Variants in ZBTB32 observed in about 807,000 individuals in gnomAD.
ZBTB32 encodes zinc finger and BTB domain containing 32, also known as zinc finger and BTB domain-containing protein 32.
A neutral mutation model predicts 45.3 loss-of-function variants in ZBTB32; 28 were observed. The observed-to-expected ratio is 0.62, with a 90% CI of 0.46 to 0.85. The LOEUF (loss-of-function observed/expected upper bound fraction) is 0.85, where lower values mean the gene tolerates loss of function less well. Among genes scored for constraint, ZBTB32 ranks in the 40% least tolerant of loss-of-function variants. The pLI is 0.00. For missense variants in ZBTB32, 587 were observed against 624.4 expected (o/e 0.94, Z 0.64); for synonymous variants, 283 against 255.7 (o/e 1.11, Z -1.02).
intron 1 of ZBTB32, among the ~76,000 whole-genome samples, chr19:35,709,243 G>A (rs1023549638): frequency 1.3e-5 from 2 of 152,170 alleles, no homozygotes; most frequent in African/African-American, 4.8e-5. Context: ...GAAGAGTGGC[G>A]AGTTCACAGA....
At chr19:35,713,895 C>A (rs1255623458) in intron 2 of ZBTB32, among the ~76,000 whole-genome samples, 4 of 152,252 alleles carry the variant, frequency 2.6e-5, no homozygotes, top group Non-Finnish European at 5.9e-5. Context: ...GGTCAGGAGC[C>A]TCCTCTCCTG....
chr19:35,712,739 T>C (rs1968736070), intron 1 of ZBTB32, among the ~76,000 whole-genome samples, 178 bp from the exon 2 acceptor site: 1 of 152,094 alleles, frequency 6.6e-6, no homozygotes, highest in Non-Finnish European at 1.5e-5. Context: ...CTTCCTGGGG[T>C]TGCCCCTTTC....
Position 35,716,175 on chromosome 19 carries a change from G to C in ZBTB32, c.1067G>C (p.Cys356Ser). 1 of 1,613,748 alleles carries C rather than the reference G, an allele frequency of 6.2e-7. No individual in the cohort carries two copies. The highest frequency in any genetic ancestry group is 8.5e-7 in the Non-Finnish European group (1 of 1,179,928). Residue 356 changes from cysteine to serine, a missense_variant, in exon 6 of 7, where the codon TGC becomes TCC. Physicochemically the swap from Cys to Ser is moderately radical, Grantham distance 112. Transcript: ENST00000392197. Reference protein sequence around the residue: ...TCAGHEDKAGCPPRPHPPPAP... With the variant: ...TCAGHEDKAGSPPRPHPPPAP... The stretch of plus-strand genomic sequence containing the variant: ...GCGGGTCATGAGGACAAGGCAGGCT[G>C]CCCACCTCGCCCGCACCCTCCCCCG...
In ZBTB32 at chr19:35,716,159, GAGGACAAGGC is replaced by G; in HGVS notation, c.1055_1064del (p.Asp352AlafsTer62). 6.2e-7 allele frequency: 1 copy of G among 1,613,890 alleles called. No individual in the cohort carries two copies. The highest frequency in any genetic ancestry group is 8.5e-7 in the Non-Finnish European group (1 of 1,179,958). Reference sequence around the variant, plus strand: ...CGCACTTGCAACCTGTGCGGGTCATGAGGACAAGGCAGGCTGCCCACCTCGCCCGCACCCT... The same window carrying G: ...CGCACTTGCAACCTGTGCGGGTCATGAGGCTGCCCACCTCGCCCGCACCCT... On this transcript the variant is annotated frameshift_variant, in exon 6 of 7. Transcript: ENST00000392197. LOFTEE classifies it high-confidence loss of function.
chr19:35,711,981 C>T (rs1368666666), intron 1 of ZBTB32, among the ~76,000 whole-genome samples: 6 of 138,758 alleles, frequency 4.3e-5, no homozygotes, highest in African/African-American at 1.7e-4. Context: ...GCTGAGATTG[C>T]GCCACTGCAC....
chr19:35,711,362 G>A (rs1389052131), intron 1 of ZBTB32, among the ~76,000 whole-genome samples: 6 of 152,198 alleles, frequency 3.9e-5, no homozygotes, highest in Non-Finnish European at 7.3e-5. Flanking sequence ...ATATCAGAGG[G>A]ACTGATGCTT....
rs972222825 is a variant in ZBTB32 at position 35,714,539 on chromosome 19, G to C, written c.-88G>C. The C allele has an allele frequency of 7.3e-7, 1 of 1,362,796 alleles. No individual in the cohort carries two copies. The allele number at this position is 1,362,796 out of a possible 1,614,324, so 84.4% of individuals were successfully genotyped here. ...CATCCACAGGCTTGAAATGAGATGAGATGTTCCTCCCTCCCCTTTCAACCA... is the reference window on the plus strand; with the variant it reads ...CATCCACAGGCTTGAAATGAGATGACATGTTCCTCCCTCCCCTTTCAACCA... On this transcript the variant is annotated 5_prime_UTR_variant, in exon 3 of 7. Transcript: ENST00000392197.
Position 35,714,710 on chromosome 19 carries a change from C to T in ZBTB32, c.84C>T (p.Leu28=), listed in dbSNP as rs775401448. The T allele has an allele frequency of 4.7e-5, 76 of 1,613,564 alleles. No individual in the cohort carries two copies. The highest frequency in any genetic ancestry group is 6.3e-5 in the Non-Finnish European group (74 of 1,179,852). The change falls in exon 3 of 7, where the codon CTC becomes CTT. Residue 28 remains leucine, a synonymous_variant. Transcript: ENST00000392197. ...TAGCAGCCAGGCTCCGGCCAGCACTCTGTGATACTCTGATCACCGTAGGGA... is the reference window on the plus strand; with the variant it reads ...TAGCAGCCAGGCTCCGGCCAGCACTTTGTGATACTCTGATCACCGTAGGGA... The part of the protein sequence containing the change: ...VQLAARLRPA[L]CDTLITVGSQ...
intron 1 of ZBTB32, among the ~76,000 whole-genome samples, chr19:35,708,822 C>CTTTTTTCT (rs1555725130): frequency 9.8e-5 from 14 of 142,166 alleles, no homozygotes; most frequent in Non-Finnish European, 2.2e-4. Context: ...TTTCTTTTTT[C>CTTTTTTCT]TTTTTTTTTT....
At chr19:35,705,534 G>A (rs955597906) in intron 1 of ZBTB32, among the ~76,000 whole-genome samples, 4 of 152,168 alleles carry the variant, frequency 2.6e-5, no homozygotes, top group African/African-American at 9.7e-5. Context: ...ATCCTCTGGA[G>A]ATTCTAGGGA....
chr19:35,705,297 G>T (rs553672142), intron 1 of ZBTB32, among the ~76,000 whole-genome samples: 20 of 151,192 alleles, frequency 1.3e-4, no homozygotes, highest in African/African-American at 3.7e-4. Flanking sequence ...CAGCCTGGGC[G>T]ACAGAATGAG....
At position 35,716,647 on chromosome 19, in the gene ZBTB32, C is replaced by T; in HGVS notation, c.1359C>T (p.Ser453=). The T allele has an allele frequency of 2.5e-6, 4 of 1,613,868 alleles. No homozygotes were observed. Among genetic ancestry groups the T allele is most frequent in the Non-Finnish European group, 3.4e-6 (4 of 1,179,964 alleles). The part of the protein sequence containing the change: ...MQAHMRGHSP[S]QLPPGWTIRS... ...CGCACATGCGCGGTCACTCGCCCAG[C>T]CAACTCCCGCCCGGATGGACCATCC... Residue 453 remains serine, a synonymous_variant, in exon 7 of 7, where the codon AGC becomes AGT. Transcript: ENST00000392197.
Position 35,715,811 on chromosome 19 carries a change from C to T in ZBTB32, c.936C>T (p.Ala312=), listed in dbSNP as rs1968860700. Reference sequence around the variant, plus strand: ...GGCTCTGGAGCCAGAACCAGTTGGCCTCCTCCAGCCCTACCCCAGGTAAGC... The same window carrying T: ...GGCTCTGGAGCCAGAACCAGTTGGCTTCCTCCAGCCCTACCCCAGGTAAGC... ...PKGLWSQNQL[A]SSSPTPGSLP... is the part of the protein sequence containing the mutation. The change falls in exon 4 of 7, where the codon GCC becomes GCT. Residue 312 remains alanine (A), a synonymous_variant. Coordinates refer to ENST00000392197, the MANE Select transcript of ZBTB32 (RefSeq NM_014383.3). 1 of 1,613,882 alleles carries T rather than the reference C, an allele frequency of 6.2e-7. No individual in the cohort carries two copies. The highest frequency in any genetic ancestry group is 2.2e-5 in the East Asian group (1 of 44,884).
intron 6 of ZBTB32, 48 bp downstream of exon 6, chr19:35,716,345 C>T: frequency 6.2e-7 from 1 of 1,608,432 alleles, no homozygotes; most frequent in Non-Finnish European, 8.5e-7. Context: ...TTCCCAACTC[C>T]GCTCCTGAGT....
chr19:35,710,412 C>T (rs527945094), intron 1 of ZBTB32, among the ~76,000 whole-genome samples: 3 of 151,870 alleles, frequency 2.0e-5, no homozygotes, highest in African/African-American at 4.8e-5. Flanking sequence ...TGATTCCTAC[C>T]GAGTCAGCCC....
chr19:35,715,882 C>A (rs767687391), intron 4 of ZBTB32, 52 bp downstream of exon 4: 71 of 1,609,578 alleles, frequency 4.4e-5, no homozygotes, highest in Non-Finnish European at 5.7e-5. Flanking sequence ...CTTCTCTGGG[C>A]TGGGGCTCGA....
intron 1 of ZBTB32, among the ~76,000 whole-genome samples, chr19:35,706,891 G>A (rs975033767): frequency 1.1e-4 from 17 of 152,178 alleles, no homozygotes; most frequent in African/African-American, 4.1e-4. Flanking sequence ...CCAGGGGTGA[G>A]GGTGCAAGGA....
intron 1 of ZBTB32, among the ~76,000 whole-genome samples, chr19:35,710,119 G>A (rs552774137): frequency 4.0e-5 from 6 of 151,570 alleles, no homozygotes; most frequent in African/African-American, 1.5e-4. Context: ...GCTGAGGCAG[G>A]AGAATTGCTT....
intron 1 of ZBTB32, among the ~76,000 whole-genome samples, chr19:35,705,290 C>T (rs539829541): frequency 1.3e-5 from 2 of 152,094 alleles, no homozygotes; most frequent in African/African-American, 4.8e-5. Context: ...TGCACTCCAG[C>T]CTGGGCGACA....
Sources: gnomAD v4.1 joint callset for allele counts (sites outside exome capture counted in the v4.1 genomes callset) on GRCh38, gnomAD v4.1.1 for gene constraint, MANE v1.5 for transcripts, NCBI Gene and HGNC (gene_info 2026-07-23, HGNC 2026-07-21) for gene names.